Variants in NAALADL2 observed in about 807,000 individuals in gnomAD.
The protein encoded by NAALADL2 is N-acetylated alpha-linked acidic dipeptidase like 2.
A neutral mutation model predicts 87.2 loss-of-function variants in NAALADL2; 76 were observed. That is an observed-to-expected ratio of 0.87 (90% CI 0.72 to 1.05). NAALADL2 has a LOEUF of 1.05. Ranked by LOEUF, NAALADL2 falls within the 50% of genes least tolerant of loss-of-function variation. The pLI, the probability that NAALADL2 is intolerant of heterozygous loss-of-function variation, is 0.00. For synonymous variants in NAALADL2, 354 were observed against 331.0 expected (o/e 1.07, Z -0.75); for missense variants, 1,089 against 945.8 (o/e 1.15, Z -1.99).
chr3:175,612,238 G>A (rs1724744906), intron 10 of NAALADL2, among the ~76,000 whole-genome samples: 2 of 152,198 alleles, frequency 1.3e-5, no homozygotes, highest in South Asian at 4.1e-4. Context: ...GGGAAGGACA[G>A]TTGGGACAGA....
At chr3:175,777,240 A>C (rs1336620726) in intron 13 of NAALADL2, among the ~76,000 whole-genome samples, 1 of 151,954 alleles carries the variant, frequency 6.6e-6, no homozygotes, top group Non-Finnish European at 1.5e-5. Flanking sequence ...AAATAAATCC[A>C]AAAGCAGTTA....
chr3:174,972,237 C>A (rs999254674), intron 1 of NAALADL2, among the ~76,000 whole-genome samples: 8 of 152,128 alleles, frequency 5.3e-5, no homozygotes, highest in Non-Finnish European at 1.2e-4. Flanking sequence ...ATCTAAGGTT[C>A]AAGATTTATT....
At chr3:175,297,593 C>T (rs1326846153) in intron 4 of NAALADL2, among the ~76,000 whole-genome samples, 1 of 152,082 alleles carries the variant, frequency 6.6e-6, no homozygotes, top group Non-Finnish European at 1.5e-5. Context: ...TCATGTTTTG[C>T]TACATTTTCA....
chr3:174,960,525 A>G (rs1741822458), intron 1 of NAALADL2, among the ~76,000 whole-genome samples: 1 of 152,004 alleles, frequency 6.6e-6, no homozygotes, highest in African/African-American at 2.4e-5. Flanking sequence ...TAGAATTATT[A>G]CCCTACTAAT....
chr3:174,625,974 T>C (rs1047516892), intron 2 of NAALADL2, among the ~76,000 whole-genome samples: 2 of 152,088 alleles, frequency 1.3e-5, no homozygotes, highest in Non-Finnish European at 2.9e-5. Flanking sequence ...ACATAGTTTA[T>C]AAATTTCTAT....
chr3:174,924,835 AGTCTGTTG>A (rs1370761795), intron 1 of NAALADL2, among the ~76,000 whole-genome samples: 3 of 151,522 alleles, frequency 2.0e-5, no homozygotes, highest in African/African-American at 7.3e-5. Flanking sequence ...TTTTTTCAAG[AGTCTGTTG>A]GTCTGTTGGC....
Position 174,498,296 on chromosome 3 carries a change from A to G in NAALADL2, c.-183-52273A>G, listed in dbSNP as rs1194017142. On this transcript the variant is annotated intron_variant, in intron 1 of 3. Coordinates refer to the NAALADL2 transcript ENST00000434257. The stretch of plus-strand genomic sequence containing the variant: ...TTATATAAATTAAATCATTTGGTAT[A>G]TGCTCTTTATGGCTTCTTTAATCAC... 2.0e-5 allele frequency among the ~76,000 whole-genome samples: 3 copies of G among 152,074 alleles called. No individual in the cohort carries two copies. The East Asian group carries it at 5.8e-4, about 29-fold the overall frequency.
chr3:175,234,309 C>T lies in NAALADL2; in HGVS notation c.819+105C>T. The T allele has an allele frequency of 2.5e-6, 3 of 1,224,032 alleles. No homozygotes were observed. The East Asian group carries it at 7.2e-5, about 30-fold the overall frequency. 75.8% of individuals were successfully genotyped at this position (1,224,032 alleles called of 1,614,324 possible). ...GTCAAGATGCAACATACAAAAGTAA[C>T]CATTAAATCTTTTCAGTGTGGAAGT... On this transcript the variant is annotated intron_variant, in intron 3 of 13. Coordinates refer to ENST00000454872, the MANE Select transcript of NAALADL2 (RefSeq NM_207015.3).
Position 174,658,983 on chromosome 3 carries a change from A to T in NAALADL2, c.-114-78658A>T, listed in dbSNP as rs563976171. Among the ~76,000 whole-genome samples the T allele has an allele frequency of 1.1e-4, 16 of 152,274 alleles. No individual in the cohort carries two copies. The South Asian group carries it at 3.1e-3, about 30-fold the overall frequency. ...TGCCTTCCTCTTGTATTGATCTTGA[A>T]ATAATTGATGGTCTCCTTTTTCTGT... On this transcript the variant is annotated intron_variant, in intron 2 of 3. Transcript: ENST00000434257.
chr3:175,575,349 C>T (rs28562554), intron 9 of NAALADL2, among the ~76,000 whole-genome samples: 17,054 of 151,986 alleles, frequency 0.11, 2,435 homozygotes, highest in African/African-American at 0.33. Flanking sequence ...CAATGGTACA[C>T]TCTCGGCTCA....
chr3:175,073,985 C>T (rs1716129252), intron 1 of NAALADL2, among the ~76,000 whole-genome samples: 1 of 152,026 alleles, frequency 6.6e-6, no homozygotes, highest in African/African-American at 2.4e-5. Context: ...ACACTGTATA[C>T]ATGAAACTTT....
At chr3:175,731,056 T>C (rs1743674769) in intron 11 of NAALADL2, among the ~76,000 whole-genome samples, 1 of 152,200 alleles carries the variant, frequency 6.6e-6, no homozygotes. Flanking sequence ...GAAAGAACAG[T>C]TGGCAAGAAG....
At chr3:175,111,221 A>C (rs1446261492) in intron 2 of NAALADL2, among the ~76,000 whole-genome samples, 1 of 151,666 alleles carries the variant, frequency 6.6e-6, no homozygotes, top group Non-Finnish European at 1.5e-5. Flanking sequence ...CTGGGTCTGG[A>C]AAATGAAGTA....
At chr3:175,717,291 T>G (rs751620188) in intron 11 of NAALADL2, among the ~76,000 whole-genome samples, 7 of 152,324 alleles carry the variant, frequency 4.6e-5, no homozygotes, top group Admixed American at 2.6e-4. Context: ...TGCTATGACC[T>G]GGGCACAAGA....
chr3:174,642,711 C>T (rs890823886), intron 2 of NAALADL2, among the ~76,000 whole-genome samples: 1 of 146,186 alleles, frequency 6.8e-6, no homozygotes, highest in Non-Finnish European at 1.5e-5. Flanking sequence ...TATTGTGTGA[C>T]TTTAGACTAA....
intron 3 of NAALADL2, among the ~76,000 whole-genome samples, chr3:175,241,469 C>T (rs1746859706): frequency 6.6e-6 from 1 of 152,162 alleles, no homozygotes; most frequent in Admixed American, 6.5e-5. Context: ...GATCCACCCA[C>T]CTCGGCCTCC....
At chr3:174,524,306 T>C (rs532852504) in intron 1 of NAALADL2, among the ~76,000 whole-genome samples, 78 of 152,210 alleles carry the variant, frequency 5.1e-4, no homozygotes, top group African/African-American at 1.9e-3. Context: ...TGTAGCGCAT[T>C]GGGGAAAATA....
In NAALADL2 at chr3:174,921,958, G is replaced by A. The variant is rs1735293987; in HGVS notation, c.43+62508G>A. 2.0e-5 allele frequency among the ~76,000 whole-genome samples: 3 copies of A among 151,890 alleles called. No individual in the cohort carries two copies. The South Asian group carries it at 6.2e-4, about 31-fold the overall frequency. On this transcript the variant is annotated intron_variant, in intron 1 of 13. Transcript: ENST00000454872. ...TTGTGCCATTTATTTATTAGTACCT[G>A]TTCTTTTGTTTTGTCATGAAAAAAA...
chr3:175,759,317 GA>G (rs1747684277), intron 13 of NAALADL2, among the ~76,000 whole-genome samples: 1 of 151,316 alleles, frequency 6.6e-6, no homozygotes, highest in African/African-American at 2.4e-5. Context: ...ATTCAGTGAA[GA>G]GAGAAAGTAT....
Sources: gnomAD v4.1 joint callset for allele counts (sites outside exome capture counted in the v4.1 genomes callset) on GRCh38, gnomAD v4.1.1 for gene constraint, MANE v1.5 for transcripts, NCBI Gene and HGNC (gene_info 2026-07-23, HGNC 2026-07-21) for gene names.